LYZL4: variants seen among roughly 807,000 people sequenced by gnomAD.
LYZL4 encodes lysozyme like 4, also known as lysozyme-like protein 4.
In LYZL4, 13 loss-of-function variants were observed where a neutral mutation model predicts 17.6. The ratio of observed to expected loss-of-function variants is 0.74; its 90% CI spans 0.48 to 1.18. The LOEUF is 1.18. Among genes scored for constraint, LYZL4 ranks in the 50% most tolerant of loss-of-function variants. The pLI, the probability that LYZL4 is intolerant of heterozygous loss-of-function variation, is 0.00. For missense variants in LYZL4, 174 were observed against 188.2 expected (o/e 0.92, Z 0.44); for synonymous variants, 64 against 67.7 (o/e 0.95, Z 0.27).
At chr3:42,367,437 A>C in the LYZL4 span, among the ~76,000 whole-genome samples, 1 of 152,216 alleles carries the variant, frequency 6.6e-6, no homozygotes, top group Non-Finnish European at 1.5e-5. Flanking sequence ...GGACACAGAC[A>C]TGGAAAATTT....
At chr3:42,406,147 A>G (rs1299826675) in intron 3 of LYZL4, among the ~76,000 whole-genome samples, 2 of 152,108 alleles carry the variant, frequency 1.3e-5, no homozygotes, top group African/African-American at 4.8e-5. Context: ...AGTGGCAGCA[A>G]CTGCCCCCTT....
the LYZL4 span, among the ~76,000 whole-genome samples, chr3:42,367,843 CAT>C: frequency 3.9e-5 from 6 of 152,236 alleles, no homozygotes; most frequent in South Asian, 1.2e-3. Flanking sequence ...AAAAGAAACA[CAT>C]GTTTATTATG....
chr3:42,407,830 TC>T (rs1391507725), intron 1 of LYZL4, among the ~76,000 whole-genome samples: 1 of 152,094 alleles, frequency 6.6e-6, no homozygotes, highest in Non-Finnish European at 1.5e-5. Flanking sequence ...CACAGTCTTG[TC>T]CCCAGATTTT....
At chr3:42,404,298 C>A (rs1277388007) in intron 3 of LYZL4, among the ~76,000 whole-genome samples, 174 bp from the exon 4 acceptor site, 1 of 152,152 alleles carries the variant, frequency 6.6e-6, no homozygotes, top group East Asian at 1.9e-4. Flanking sequence ...ATGGAGTCAT[C>A]TTTTTACCAG....
chr3:42,379,322 A>G, the LYZL4 span, among the ~76,000 whole-genome samples: 2 of 152,184 alleles, frequency 1.3e-5, no homozygotes. Flanking sequence ...GCTGGGTTCT[A>G]AGAGAAAAGC....
At chr3:42,375,391 A>G in the LYZL4 span, among the ~76,000 whole-genome samples, 2 of 152,360 alleles carry the variant, frequency 1.3e-5, no homozygotes, top group Non-Finnish European at 2.9e-5. Context: ...AAAGACAGTC[A>G]AAAGTCAAGC....
downstream of LYZL4, among the ~76,000 whole-genome samples, chr3:42,393,346 C>CACAG (rs1243969376): frequency 2.6e-5 from 4 of 151,974 alleles, no homozygotes; most frequent in Non-Finnish European, 2.9e-5. Context: ...TGCACACACA[C>CACAG]ACACACACAC....
At chr3:42,384,893 A>T in the LYZL4 span, among the ~76,000 whole-genome samples, 98,316 of 151,990 alleles carry the variant, frequency 0.65, 32,139 homozygotes, top group East Asian at 0.84. Context: ...GAAAAGAGCA[A>T]ATTCTTTAGA....
intron 1 of LYZL4, among the ~76,000 whole-genome samples, chr3:42,409,920 C>T (rs26349): frequency 0.18 from 26,959 of 152,138 alleles, 3,288 homozygotes; most frequent in Non-Finnish European, 0.27. Context: ...GCCATAGTCA[C>T]CTTGCACATT....
At chr3:42,369,050 G>A in the LYZL4 span, among the ~76,000 whole-genome samples, 1 of 152,194 alleles carries the variant, frequency 6.6e-6, no homozygotes, top group African/African-American at 2.4e-5. Context: ...GCACAGCTGT[G>A]AGAAATGCTG....
chr3:42,399,752 G>T (rs552604693), intron 4 of LYZL4, among the ~76,000 whole-genome samples: 4 of 152,110 alleles, frequency 2.6e-5, no homozygotes, highest in Non-Finnish European at 5.9e-5. Context: ...AAGTAAAAAT[G>T]TTATGAATGA....
At chr3:42,377,194 G>A in the LYZL4 span, among the ~76,000 whole-genome samples, 1 of 152,162 alleles carries the variant, frequency 6.6e-6, no homozygotes, top group Non-Finnish European at 1.5e-5. Flanking sequence ...GAGAAGCAGG[G>A]AATAGGGAAT....
At chr3:42,409,643 C>T (rs1298763814) in intron 1 of LYZL4, among the ~76,000 whole-genome samples, 1 of 152,222 alleles carries the variant, frequency 6.6e-6, no homozygotes, top group Non-Finnish European at 1.5e-5. Flanking sequence ...ATCCAGACCA[C>T]CATCACCTCT....
intron 3 of LYZL4, 69 bp from the exon 4 acceptor site, chr3:42,404,193 A>G: frequency 1.0e-6 from 1 of 993,692 alleles, no homozygotes; most frequent in Non-Finnish European, 1.6e-6. Flanking sequence ...ATGTCAGGGA[A>G]GGTACAGGGT....
chr3:42,399,859 T>C (rs1284708939), intron 4 of LYZL4, among the ~76,000 whole-genome samples: 6 of 151,830 alleles, frequency 4.0e-5, no homozygotes, highest in Admixed American at 2.0e-4. Flanking sequence ...GCTGGAGATA[T>C]AGAAGCAGGA....
chr3:42,380,841 C>T, the LYZL4 span, among the ~76,000 whole-genome samples: 1 of 152,192 alleles, frequency 6.6e-6, no homozygotes, highest in East Asian at 1.9e-4. Flanking sequence ...GGGGCTGGGC[C>T]CTGGGTCTTA....
the LYZL4 span, among the ~76,000 whole-genome samples, chr3:42,392,041 G>T: frequency 6.6e-6 from 1 of 152,110 alleles, no homozygotes; most frequent in South Asian, 2.1e-4. Context: ...CTAACTTTTT[G>T]TATTTTTTTT....
At chr3:42,406,453 CAAAA>C (rs565639489) in intron 3 of LYZL4, among the ~76,000 whole-genome samples, 3 of 84,158 alleles carry the variant, frequency 3.6e-5, no homozygotes, top group East Asian at 3.2e-4. Context: ...GACTCCGTCT[CAAAA>C]AAAAAAAAAA....
At chr3:42,402,863 A>G (rs951891619) in intron 4 of LYZL4, among the ~76,000 whole-genome samples, 2 of 152,244 alleles carry the variant, frequency 1.3e-5, no homozygotes, top group African/African-American at 4.8e-5. Flanking sequence ...GCCCACAAAT[A>G]GAGGAATGCA....
Sources: allele counts gnomAD v4.1 joint callset (sites outside exome capture counted in the v4.1 genomes callset), GRCh38; gene constraint gnomAD v4.1.1; transcripts MANE v1.5; gene names NCBI Gene and HGNC (gene_info 2026-07-23, HGNC 2026-07-21).